Variants in CSMD2 observed in about 807,000 individuals in gnomAD.
CSMD2 encodes CUB and sushi domain-containing protein 2.
CSMD2 carries 130 observed loss-of-function variants against 398.5 expected under a neutral mutation model. The observed-to-expected ratio is 0.33, with a 90% confidence interval of 0.28 to 0.38. CSMD2 has a LOEUF of 0.38. CSMD2 is among the 10% of genes least tolerant of loss of function. The probability of loss-of-function intolerance (pLI) is 1.00; values close to 1 mark genes in which losing one functional copy is unlikely to be tolerated. For missense variants in CSMD2, 3,829 were observed against 4,764.9 expected (o/e 0.80, Z 5.78); for synonymous variants, 1,828 against 1,908.5 (o/e 0.96, Z 1.10).
intron 5 of CSMD2, among the ~76,000 whole-genome samples, chr1:33,889,118 G>C (rs1333831587): frequency 6.6e-6 from 1 of 152,142 alleles, no homozygotes; most frequent in Non-Finnish European, 1.5e-5. Flanking sequence ...CTTATGCTGT[G>C]AGAGACAACA....
At chr1:33,724,451 G>T (rs1242070330) in intron 18 of CSMD2, 65 bp downstream of exon 18, 1 of 1,571,950 alleles carries the variant, frequency 6.4e-7, no homozygotes, top group African/African-American at 1.4e-5. Flanking sequence ...GGTCTTTTGA[G>T]CACCTGTGTT....
At chr1:33,652,263 G>A (rs1233993645) in intron 28 of CSMD2, 60 bp downstream of exon 28, 4 of 1,578,732 alleles carry the variant, frequency 2.5e-6, no homozygotes, top group East Asian at 2.3e-5. Flanking sequence ...GGAGACCCAG[G>A]TCCCAGAGCC....
intron 12 of CSMD2, among the ~76,000 whole-genome samples, chr1:33,778,978 C>T (rs1652353863): frequency 6.6e-6 from 1 of 152,190 alleles, no homozygotes; most frequent in Non-Finnish European, 1.5e-5. Context: ...TCTCTCCCTG[C>T]CTGAGTTCAG....
chr1:33,761,087 G>C (rs560400077), intron 13 of CSMD2, among the ~76,000 whole-genome samples: 2 of 152,246 alleles, frequency 1.3e-5, no homozygotes, highest in African/African-American at 2.4e-5. Context: ...GCAGATCTGT[G>C]GGCAGATAAC....
At position 34,087,614 on chromosome 1, in the gene CSMD2, TAA is replaced by T. The variant is rs1658038706; in HGVS notation, c.404+1361_404+1362del. Among the ~76,000 whole-genome samples the T allele has an allele frequency of 0.014, 574 of 40,774 alleles. 23 individuals carry two copies. The Admixed American group carries it at 0.15, about 11-fold the overall frequency. The allele number at this position is 40,774 out of a possible 152,430, so 26.7% of individuals were successfully genotyped here. A position where few individuals can be genotyped will look rare whatever the true frequency, so the allele number is the denominator to read the frequency against. On this transcript the variant is annotated intron_variant, in intron 2 of 70. Coordinates refer to ENST00000373381, the MANE Select transcript of CSMD2 (RefSeq NM_001281956.2). ...CACAAGTATCCCAGAACTTAAAGTA[TAA>T]TAATAATAATAATAATAATAATAAT...
chr1:33,826,462 G>A (rs561598351), intron 6 of CSMD2, among the ~76,000 whole-genome samples: 7 of 152,208 alleles, frequency 4.6e-5, no homozygotes, highest in African/African-American at 7.2e-5. Context: ...CTGCTCCCAG[G>A]AGGATAAGAG....
At chr1:33,997,319 T>G (rs1208872944) in intron 3 of CSMD2, among the ~76,000 whole-genome samples, 1 of 152,222 alleles carries the variant, frequency 6.6e-6, no homozygotes, top group African/African-American at 2.4e-5. Flanking sequence ...CAAATATGAT[T>G]CTCAGTCCAG....
At chr1:33,709,860 C>A (rs1233772874) in intron 21 of CSMD2, among the ~76,000 whole-genome samples, 1 of 152,102 alleles carries the variant, frequency 6.6e-6, no homozygotes, top group Non-Finnish European at 1.5e-5. Context: ...ACCACTGAGA[C>A]CAAGCCTCTC....
rs757255886 is a variant in CSMD2 at position 33,600,922 on chromosome 1, G to C, written c.6799C>G (p.Leu2267Val). The C allele has an allele frequency of 6.2e-7, 1 of 1,614,016 alleles. No individual in the cohort carries two copies. Among genetic ancestry groups the C allele is most frequent in the South Asian group, 1.1e-5 (1 of 91,082 alleles). ...KTVQSSSNQV[L>V]LKFHRDAATG... The stretch of plus-strand genomic sequence containing the variant: ...GCTGCATCACGGTGGAACTTGAGCA[G>C]GACCTGGTTGGATGAACTCTGCACT... Residue 2267 changes from leucine (L) to valine (V), a missense_variant, in exon 44 of 71, where the codon CTG (leucine) becomes GTG (valine). Leu to Val is a conservative substitution (Grantham distance 32). This residue lies in a region of CSMD2 where 723 missense variants were observed against 758.6 expected (regional missense o/e 0.95). Transcript: ENST00000373381.
intron 5 of CSMD2, among the ~76,000 whole-genome samples, chr1:33,859,286 C>T (rs1639319125): frequency 6.6e-6 from 1 of 152,134 alleles, no homozygotes; most frequent in African/African-American, 2.4e-5. Flanking sequence ...TTTTGCTTGC[C>T]TTTTCCAGCT....
intron 41 of CSMD2, among the ~76,000 whole-genome samples, chr1:33,607,176 G>A (rs1180188537): frequency 6.6e-6 from 1 of 152,218 alleles, no homozygotes; most frequent in Non-Finnish European, 1.5e-5. Context: ...GAACCCTCCT[G>A]AGAAATTGTC....
chr1:33,571,881 G>A (rs934682296), intron 50 of CSMD2, among the ~76,000 whole-genome samples, 155 bp from the exon 51 acceptor site: 1 of 152,116 alleles, frequency 6.6e-6, no homozygotes, highest in Non-Finnish European at 1.5e-5. Context: ...TGAACAGGTG[G>A]GTTGGGTGGG....
intron 44 of CSMD2, chr1:33,600,534 T>A: frequency 2.0e-6 from 1 of 507,634 alleles, no homozygotes; most frequent in Non-Finnish European, 3.5e-6. Flanking sequence ...CGCTAGAAAG[T>A]GCTAAGGGAT....
intron 49 of CSMD2, among the ~76,000 whole-genome samples, chr1:33,574,721 G>A (rs1659908194): frequency 6.6e-6 from 1 of 152,174 alleles, no homozygotes; most frequent in African/African-American, 2.4e-5. Flanking sequence ...CTAAGTGTGG[G>A]ACTTTCCAGA....
intron 10 of CSMD2, among the ~76,000 whole-genome samples, chr1:33,803,182 T>C (rs1325609169): frequency 6.6e-6 from 1 of 152,212 alleles, no homozygotes; most frequent in Non-Finnish European, 1.5e-5. Context: ...GATTGCTCCT[T>C]CTCTGTTCTT....
At chr1:33,557,711 T>C (rs1557532325) in intron 55 of CSMD2, 23 bp downstream of exon 55, 2 of 1,532,546 alleles carry the variant, frequency 1.3e-6, no homozygotes, top group Admixed American at 2.0e-5. Context: ...ATCAGTCATT[T>C]TGAGCAGGTG....
chr1:34,076,920 A>AT (rs1349913704), intron 2 of CSMD2, among the ~76,000 whole-genome samples: 11 of 108,118 alleles, frequency 1.0e-4, no homozygotes, highest in African/African-American at 4.7e-4. Flanking sequence ...AAAAAAAAAA[A>AT]AAAAAAAAAT....
intron 25 of CSMD2, among the ~76,000 whole-genome samples, chr1:33,691,399 G>A (rs1377474118): frequency 1.3e-5 from 2 of 152,152 alleles, no homozygotes; most frequent in Non-Finnish European, 2.9e-5. Flanking sequence ...ACAATGCAAA[G>A]TCCCTATGTA....
rs540287425 is a variant in CSMD2, at chr1:33,620,753, A to C, written c.5827+1414T>G. 8.8e-5 allele frequency among the ~76,000 whole-genome samples: 13 copies of C among 148,508 alleles called. No homozygotes were observed. The South Asian group carries it at 2.8e-3, about 32-fold the overall frequency. ...ACATATCTGCTGGAAGGAGTCTCAGAGGTCCCTGTCCTACCCTTTACCCTG... is the reference window on the plus strand; with the variant it reads ...ACATATCTGCTGGAAGGAGTCTCAGCGGTCCCTGTCCTACCCTTTACCCTG... On this transcript the variant is annotated intron_variant, in intron 37 of 70. Coordinates refer to ENST00000373381, the MANE Select transcript of CSMD2 (RefSeq NM_001281956.2).
Sources: gnomAD v4.1 joint callset for allele counts (sites outside exome capture counted in the v4.1 genomes callset) on GRCh38, gnomAD v4.1.1 for gene constraint, gnomAD v4.1.1 regional missense constraint, MANE v1.5 for transcripts, NCBI Gene and HGNC (gene_info 2026-07-23, HGNC 2026-07-21) for gene names.